Variants in SH2D3C observed in about 807,000 individuals in gnomAD.
The protein encoded by SH2D3C is SH2 domain containing 3C, also known as SH2 domain-containing protein 3C.
Under a neutral mutation model 75.2 loss-of-function variants are expected in SH2D3C, and 25 were observed. The ratio of observed to expected loss-of-function variants is 0.33; its 90% confidence interval spans 0.24 to 0.46. The LOEUF (loss-of-function observed/expected upper bound fraction) is 0.46. Among genes scored for constraint, SH2D3C ranks in the 20% least tolerant of loss-of-function variants. The probability of loss-of-function intolerance (pLI) is 1.00; values close to 1 mark genes in which losing one functional copy is unlikely to be tolerated. For synonymous variants in SH2D3C, 450 were observed against 473.7 expected, an observed-to-expected ratio of 0.95 and a Z score of 0.65; for missense variants, 933 against 1,165.3, an observed-to-expected ratio of 0.80 and a Z score of 2.90.
chr9:127,757,204 A>AGC (rs1483903498), intron 3 of SH2D3C, among the ~76,000 whole-genome samples: 1 of 151,310 alleles, frequency 6.6e-6, no homozygotes, highest in Non-Finnish European at 1.5e-5. Flanking sequence ...TACACGCATA[A>AGC]GCCACCGTGC....
chr9:127,769,783 A>T (rs1421089112), intron 2 of SH2D3C, among the ~76,000 whole-genome samples: 1 of 152,074 alleles, frequency 6.6e-6, no homozygotes, highest in Non-Finnish European at 1.5e-5. Context: ...TCAAATAGTG[A>T]GGCCTGACAC....
At chr9:127,773,917 CAAAA>C (rs370913098) in intron 2 of SH2D3C, 69 bp downstream of exon 2, 58 of 751,770 alleles carry the variant, frequency 7.7e-5, no homozygotes, top group Non-Finnish European at 1.0e-4. Flanking sequence ...CACTCTGTGT[CAAAA>C]AAAAAAAAAA....
chr9:127,762,284 T>C, intron 2 of SH2D3C: 1 of 1,264,368 alleles, frequency 7.9e-7, no homozygotes, highest in Non-Finnish European at 1.0e-6. Context: ...TCCTTCCTCC[T>C]GAGGGCCACC....
intron 2 of SH2D3C, among the ~76,000 whole-genome samples, chr9:127,771,953 A>G (rs1021214537): frequency 2.6e-5 from 4 of 152,210 alleles, no homozygotes; most frequent in African/African-American, 9.6e-5. Context: ...CAACCCGACC[A>G]GGTAGATGCT....
At chr9:127,767,068 C>A (rs1192163574) in intron 2 of SH2D3C, 12 of 1,536,222 alleles carry the variant, frequency 7.8e-6, no homozygotes, top group East Asian at 2.4e-5. Context: ...GCCCCACTCC[C>A]CAAGATGGGC....
Position 127,774,166 on chromosome 9 carries a change from G to T in SH2D3C, c.339C>A (p.Asp113Glu). The change falls in exon 2 of 12, where the codon GAC (aspartate) becomes GAA (glutamate). Residue 113 changes from aspartate (D) to glutamate (E), a missense_variant. Coordinates refer to ENST00000314830, the MANE Select transcript of SH2D3C (RefSeq NM_170600.3). The surrounding 1 kb of genome is among the most constrained non-coding windows in gnomAD (Gnocchi z 4.3). ...CTTTGGCTGCCTCCAAGCCTGGGGG[G>T]TCGGGTACACCTCCGGGTACCAAGT... Reference protein sequence around the residue: ...KPNLVPGGVPDPPGLEAAKEV... With the variant: ...KPNLVPGGVPEPPGLEAAKEV... 6.2e-7 allele frequency: 1 copy of T among 1,614,066 alleles called. No individual in the cohort carries two copies. Among genetic ancestry groups the T allele is most frequent in the Non-Finnish European group, 8.5e-7 (1 of 1,180,000 alleles).
At chr9:127,768,433 T>G (rs2131804334) in intron 2 of SH2D3C, among the ~76,000 whole-genome samples, 1 of 151,936 alleles carries the variant, frequency 6.6e-6, no homozygotes, top group Admixed American at 6.5e-5. Context: ...GGTAGGGGCT[T>G]GGATCTCTAG....
At chr9:127,771,117 G>C in intron 2 of SH2D3C, 1 of 1,251,952 alleles carries the variant, frequency 8.0e-7, no homozygotes, top group Non-Finnish European at 1.1e-6. Context: ...TGCCCCAGGG[G>C]TGCAGATTTC....
intron 8 of SH2D3C, among the ~76,000 whole-genome samples, chr9:127,742,279 C>T (rs1844885897): frequency 6.6e-6 from 1 of 152,186 alleles, no homozygotes; most frequent in Non-Finnish European, 1.5e-5. Context: ...TCTTGTCGCC[C>T]AGTCTGGAGT....
intron 2 of SH2D3C, among the ~76,000 whole-genome samples, chr9:127,765,231 C>CT (rs943097969): frequency 1.3e-5 from 2 of 152,268 alleles, no homozygotes; most frequent in East Asian, 3.9e-4. Flanking sequence ...CCTGGCCACC[C>CT]TTTCTGAAAG....
intron 2 of SH2D3C, among the ~76,000 whole-genome samples, chr9:127,769,413 C>G (rs1479285885): frequency 6.6e-6 from 1 of 152,036 alleles, no homozygotes. Context: ...GAGGCTGAGG[C>G]GGGCAGATCA....
chr9:127,746,117 G>C (rs1217352564), intron 6 of SH2D3C, among the ~76,000 whole-genome samples: 2 of 152,210 alleles, frequency 1.3e-5, no homozygotes, highest in Non-Finnish European at 2.9e-5. Context: ...ATACCAGATT[G>C]CTTAGAAACT....
chr9:127,773,843 G>A (rs533763981), intron 2 of SH2D3C, 147 bp downstream of exon 2: 190 of 586,390 alleles, frequency 3.2e-4, no homozygotes, highest in African/African-American at 3.1e-3. Flanking sequence ...GCTTGGACCC[G>A]GGAGGCAGAG....
In SH2D3C at chr9:127,754,352, C is replaced by T. The variant is rs1460000179; in HGVS notation, c.556-3052G>A. Reference sequence around the variant, plus strand: ...CTCAGGGGGCAGGAGCGCGGAGACCCCCGGACAGGGTCTTAACCCCTTCCC... The same window carrying T: ...CTCAGGGGGCAGGAGCGCGGAGACCTCCGGACAGGGTCTTAACCCCTTCCC... On this transcript the variant is annotated intron_variant, in intron 3 of 11. Transcript: ENST00000314830. This position sits in a 1 kb window ranked among gnomAD's most constrained non-coding sequence, Gnocchi z 4.4. Among the ~76,000 whole-genome samples the T allele has an allele frequency of 2.0e-5, 3 of 152,168 alleles. No individual in the cohort carries two copies. Among genetic ancestry groups the T allele is most frequent in the Middle Eastern group, 3.4e-3 (1 of 294 alleles).
intron 2 of SH2D3C, chr9:127,771,080 G>C (rs1457834812): frequency 2.3e-6 from 2 of 876,606 alleles, no homozygotes; most frequent in Non-Finnish European, 3.4e-6. Flanking sequence ...AGTCCCTGAT[G>C]CTAACCCCGC....
At chr9:127,771,067 A>T in intron 2 of SH2D3C, 1 of 716,126 alleles carries the variant, frequency 1.4e-6, no homozygotes, top group Non-Finnish European at 2.2e-6. Context: ...ACTGGCTTAG[A>T]AAAGTCCCTG....
rs937647561 is a variant in SH2D3C at position 127,754,234 on chromosome 9, C to A, written c.556-2934G>T. ...TGGCCGGTGCGGGGATGCTGCGCTC[C>A]GCCGCCGGCGGGGCAGTCCTTCAGG... On this transcript the variant is annotated intron_variant, in intron 3 of 11. Transcript: ENST00000314830. This position sits in a 1 kb window ranked among gnomAD's most constrained non-coding sequence, Gnocchi z 4.4. Among the ~76,000 whole-genome samples, 2 of 152,164 alleles carry A rather than the reference C, an allele frequency of 1.3e-5. No individual in the cohort carries two copies. The highest frequency in any genetic ancestry group is 3.9e-4 in the East Asian group (2 of 5,188).
intron 2 of SH2D3C, among the ~76,000 whole-genome samples, chr9:127,773,546 C>A (rs1845767363): frequency 6.6e-6 from 1 of 152,200 alleles, no homozygotes; most frequent in Non-Finnish European, 1.5e-5. Flanking sequence ...TGCCAGTTTT[C>A]TTTTGCTAAT....
In SH2D3C at chr9:127,773,909, C is replaced by T. The variant is rs1050531362; in HGVS notation, c.515+81G>A. The T allele has an allele frequency of 9.8e-6, 8 of 820,054 alleles. No homozygotes were observed. In the African/African-American group the frequency reaches 1.4e-4, roughly 14 times the overall value. The allele number at this position is 820,054 out of a possible 1,614,324, so 50.8% of individuals were successfully genotyped here. A position where few individuals can be genotyped will look rare whatever the true frequency, so the allele number is the denominator to read the frequency against. On this transcript the variant is annotated intron_variant, in intron 2 of 11. Coordinates refer to ENST00000314830, the MANE Select transcript of SH2D3C (RefSeq NM_170600.3). ...CTCCAGCCTGAGAGACAGAGCGACA[C>T]TCTGTGTCAAAAAAAAAAAAAAGAA...
Sources: gnomAD v4.1 joint callset for allele counts (sites outside exome capture counted in the v4.1 genomes callset) on GRCh38, gnomAD v4.1.1 for gene constraint, Gnocchi (gnomAD v3.1) non-coding constraint, MANE v1.5 for transcripts, NCBI Gene and HGNC (gene_info 2026-07-23, HGNC 2026-07-21) for gene names.